Variants in RALGPS1 observed in about 807,000 individuals in gnomAD.
The protein encoded by RALGPS1 is ras-specific guanine nucleotide-releasing factor RalGPS1.
RALGPS1 carries 19 observed loss-of-function variants against 78.8 expected under a neutral mutation model. The ratio of observed to expected loss-of-function variants is 0.24; its 90% CI spans 0.17 to 0.35. The LOEUF (loss-of-function observed/expected upper bound fraction) is 0.35. Among genes scored for constraint, RALGPS1 ranks in the 10% least tolerant of loss-of-function variants. The pLI is 1.00. For missense variants in RALGPS1, 454 were observed against 688.3 expected (o/e 0.66, Z 3.81); for synonymous variants, 228 against 256.3 (o/e 0.89, Z 1.06).
chr9:126,959,877 A>C (rs1028871509), intron 1 of RALGPS1, among the ~76,000 whole-genome samples: 3 of 152,214 alleles, frequency 2.0e-5, no homozygotes, highest in Non-Finnish European at 2.9e-5. Context: ...ACAGAAAGTC[A>C]GTGGTACCCT....
chr9:126,979,458 T>A (rs2041029967), intron 4 of RALGPS1, among the ~76,000 whole-genome samples: 1 of 152,234 alleles, frequency 6.6e-6, no homozygotes, highest in Non-Finnish European at 1.5e-5. Flanking sequence ...GATGGTTGCC[T>A]TAGTTCTCAG....
chr9:127,173,915 AGGTAT>A (rs1361718422), intron 10 of RALGPS1, among the ~76,000 whole-genome samples: 1 of 152,154 alleles, frequency 6.6e-6, no homozygotes, highest in Non-Finnish European at 1.5e-5. Flanking sequence ...TGGGAGGCTG[AGGTAT>A]GAGAATCGCT....
chr9:126,977,657 G>A (rs139587898), intron 3 of RALGPS1, 38 bp from the exon 4 acceptor site: 35 of 1,389,474 alleles, frequency 2.5e-5, no homozygotes, highest in East Asian at 4.7e-5. Flanking sequence ...TATCTTTGAT[G>A]TACAGTATTT....
intron 11 of RALGPS1, among the ~76,000 whole-genome samples, chr9:127,189,349 C>T (rs2060891565): frequency 6.6e-6 from 1 of 152,220 alleles, no homozygotes; most frequent in Admixed American, 6.5e-5. Context: ...CCGCTTTGGA[C>T]TGGCATTGCC....
chr9:127,000,511 C>T (rs2043188015), intron 4 of RALGPS1, among the ~76,000 whole-genome samples: 1 of 130,944 alleles, frequency 7.6e-6, no homozygotes. Context: ...AGGTATATTC[C>T]TGCTATTGAT....
Position 127,002,440 on chromosome 9 carries a change from T to TC in RALGPS1, c.216+24695_216+24696insC, listed in dbSNP as rs1170089517. On this transcript the variant is annotated intron_variant, in intron 4 of 18. Coordinates refer to ENST00000259351, the MANE Select transcript of RALGPS1 (RefSeq NM_014636.3). ...AGTGATACCACAAACATTCTTTTTT[T>TC]TTTTTTTCTTTTTTTTTTATTATAC... is the stretch of plus-strand genomic sequence containing the variant. 2.2e-5 allele frequency among the ~76,000 whole-genome samples: 3 copies of TC among 136,568 alleles called. No homozygotes were observed. The East Asian group carries it at 8.6e-4, about 39-fold the overall frequency. 89.6% of individuals were successfully genotyped at this position (136,568 alleles called of 152,430 possible).
At chr9:126,920,651 G>C (rs2034657231) in intron 1 of RALGPS1, among the ~76,000 whole-genome samples, 2 of 152,128 alleles carry the variant, frequency 1.3e-5, no homozygotes. Flanking sequence ...TCCTTTCGTG[G>C]CAGAGAATAC....
intron 8 of RALGPS1, among the ~76,000 whole-genome samples, chr9:127,139,468 A>G (rs768857402): frequency 1.3e-5 from 2 of 152,242 alleles, no homozygotes; most frequent in Non-Finnish European, 2.9e-5. Context: ...CAGGACCAGT[A>G]GTGGAAGCTT....
chr9:127,134,822 C>T (rs1191565267), intron 8 of RALGPS1, among the ~76,000 whole-genome samples: 1 of 152,162 alleles, frequency 6.6e-6, no homozygotes, highest in Non-Finnish European at 1.5e-5. Flanking sequence ...AGCTTCTGAA[C>T]AGCTGAGAGT....
chr9:126,918,360 A>G (rs1232798220), intron 1 of RALGPS1, among the ~76,000 whole-genome samples: 2 of 152,214 alleles, frequency 1.3e-5, no homozygotes, highest in African/African-American at 4.8e-5. Context: ...TTTAAGAGAC[A>G]GGGTCTCCCT....
At chr9:127,178,107 G>A in intron 11 of RALGPS1, 2 of 1,059,672 alleles carry the variant, frequency 1.9e-6, no homozygotes, top group Non-Finnish European at 2.6e-6. Context: ...CAATCCCAGG[G>A]ATGGCTGAGT....
chr9:126,929,362 G>A (rs2035590830), intron 1 of RALGPS1, among the ~76,000 whole-genome samples: 2 of 152,256 alleles, frequency 1.3e-5, no homozygotes, highest in African/African-American at 4.8e-5. Flanking sequence ...CTTATTGGCT[G>A]TGAAGAAGAG....
intron 2 of RALGPS1, among the ~76,000 whole-genome samples, chr9:126,964,652 T>C (rs1753078): frequency 8.7e-6 from 1 of 114,466 alleles, no homozygotes; most frequent in Non-Finnish European, 2.1e-5. Context: ...GTATACTGCT[T>C]CTTAAGATCA....
chr9:127,216,886 A>C (rs1385146704), intron 18 of RALGPS1: 1 of 1,525,432 alleles, frequency 6.6e-7, no homozygotes, highest in African/African-American at 1.4e-5. Context: ...AGCACACTGA[A>C]GCTCCCCTAC....
chr9:127,114,003 A>G (rs2055135012), intron 8 of RALGPS1, among the ~76,000 whole-genome samples: 2 of 152,244 alleles, frequency 1.3e-5, no homozygotes, highest in African/African-American at 4.8e-5. Context: ...TTTTGAGTTC[A>G]CCCCAAAGGT....
rs2135405547 is a variant in RALGPS1 at position 127,052,767 on chromosome 9, TG to T, written c.391-79del. On this transcript the variant is annotated intron_variant, in intron 6 of 18. Coordinates refer to ENST00000259351, the MANE Select transcript of RALGPS1 (RefSeq NM_014636.3). The stretch of plus-strand genomic sequence containing the variant: ...TAAGTGTAATTGAATTTCATAAATA[TG>T]ACATTTGGTAACACTTGAGCATGTT... The T allele has an allele frequency of 4.7e-6, 4 of 858,678 alleles. No individual in the cohort carries two copies. In the Admixed American group the frequency reaches 8.4e-5, roughly 18 times the overall value. The allele number at this position is 858,678 out of a possible 1,614,324, so 53.2% of individuals were successfully genotyped here.
At chr9:126,959,108 G>A (rs1293088346) in intron 1 of RALGPS1, among the ~76,000 whole-genome samples, 2 of 150,678 alleles carry the variant, frequency 1.3e-5, no homozygotes, top group Non-Finnish European at 3.0e-5. Flanking sequence ...TGTTGCTCAG[G>A]CTGGAATGTA....
intron 1 of RALGPS1, among the ~76,000 whole-genome samples, chr9:126,958,142 A>AATATAT (rs1554765218): frequency 6.1e-4 from 47 of 76,994 alleles, no homozygotes; most frequent in Non-Finnish European, 8.8e-4. Flanking sequence ...AAAAAAAAAA[A>AATATAT]ATATATATAT....
At chr9:127,134,087 A>G (rs1391554719) in intron 8 of RALGPS1, among the ~76,000 whole-genome samples, 2 of 151,936 alleles carry the variant, frequency 1.3e-5, no homozygotes, top group Non-Finnish European at 2.9e-5. Context: ...GCCGCCATCC[A>G]GCTGCAGCAG....
Sources: gnomAD v4.1 joint callset for allele counts (sites outside exome capture counted in the v4.1 genomes callset) on GRCh38, gnomAD v4.1.1 for gene constraint, MANE v1.5 for transcripts, NCBI Gene and HGNC (gene_info 2026-07-23, HGNC 2026-07-21) for gene names.